The following ATG7 variants were observed in gnomAD, a reference collection of about 807,000 sequenced individuals.
ATG7 encodes the protein autophagy related 7, also known as ubiquitin-like modifier-activating enzyme ATG7.
Under a neutral mutation model 82.4 loss-of-function variants are expected in ATG7, and 70 were observed. That is an observed-to-expected ratio of 0.85 (90% CI 0.70 to 1.04). The LOEUF (loss-of-function observed/expected upper bound fraction) is 1.04. ATG7 is among the 50% of genes least tolerant of loss of function. ATG7 has a pLI of 0.00. For synonymous variants in ATG7, 287 were observed against 313.0 expected, an observed-to-expected ratio of 0.92 and a Z score of 0.88; for missense variants, 792 against 864.3, an observed-to-expected ratio of 0.92 and a Z score of 1.05.
At chr3:11,380,095 C>T (rs369114629) in intron 19 of ATG7, 43 bp downstream of exon 19, 10 of 1,583,702 alleles carry the variant, frequency 6.3e-6, no homozygotes, top group African/African-American at 4.0e-5. Flanking sequence ...TAAAAGTGAG[C>T]GGGTCAGCAT....
chr3:11,469,674 T>C (rs1232640083), intron 20 of ATG7, among the ~76,000 whole-genome samples: 1 of 151,970 alleles, frequency 6.6e-6, no homozygotes, highest in African/African-American at 2.4e-5. Context: ...CCAGCTAATG[T>C]CTTACAGGCT....
the ATG7 span, among the ~76,000 whole-genome samples, chr3:11,568,258 G>T: frequency 5.9e-5 from 9 of 152,314 alleles, no homozygotes; most frequent in East Asian, 1.7e-3. The surrounding 1 kb of genome is among the most constrained non-coding windows in gnomAD (Gnocchi z 5.9). Context: ...TGTCCTAGGG[G>T]CACGGCACAG....
the ATG7 span, among the ~76,000 whole-genome samples, chr3:11,576,109 G>C: frequency 1.2e-4 from 19 of 152,346 alleles, no homozygotes; most frequent in African/African-American, 4.1e-4. Context: ...CTGAGAACAT[G>C]ACCGGTAAAG....
downstream of ATG7, chr3:11,558,545 A>C (rs776006826): frequency 5.7e-5 from 81 of 1,411,868 alleles, no homozygotes; most frequent in East Asian, 7.3e-4. Flanking sequence ...TTGTTGGAGG[A>C]GGCGCTCCCT....
intron 20 of ATG7, among the ~76,000 whole-genome samples, chr3:11,487,080 T>A (rs2089768155): frequency 6.6e-6 from 1 of 150,386 alleles, no homozygotes; most frequent in Admixed American, 6.6e-5. Context: ...ACAAAGCACA[T>A]CTTGCACCGC....
chr3:11,563,776 A>G, the ATG7 span, among the ~76,000 whole-genome samples: 1 of 152,172 alleles, frequency 6.6e-6, no homozygotes, highest in Non-Finnish European at 1.5e-5. Context: ...TGTTAAATGG[A>G]TGAATCAAAC....
At chr3:11,431,039 A>T (rs534287390) in intron 20 of ATG7, among the ~76,000 whole-genome samples, 1 of 152,248 alleles carries the variant, frequency 6.6e-6, no homozygotes, top group African/African-American at 2.4e-5. Flanking sequence ...TTGGAGCCAC[A>T]GTTACCTGAA....
chr3:11,534,404 A>G (rs1290840602), intron 20 of ATG7, among the ~76,000 whole-genome samples: 1 of 152,246 alleles, frequency 6.6e-6, no homozygotes, highest in Non-Finnish European at 1.5e-5. Flanking sequence ...GTCTTGGAAC[A>G]GAGGCCCTCA....
At chr3:11,474,076 TACCAAGTGTGTAGTAA>T (rs71628716) in intron 20 of ATG7, among the ~76,000 whole-genome samples, 79,922 of 152,086 alleles carry the variant, frequency 0.53, 21,942 homozygotes, top group East Asian at 0.67. Context: ...AGTTCAGACT[TACCAAGTGTGTAGTAA>T]GCCAAGTGCC....
chr3:11,561,405 C>A (rs1352362754), downstream of ATG7, among the ~76,000 whole-genome samples: 2 of 152,174 alleles, frequency 1.3e-5, no homozygotes, highest in African/African-American at 4.8e-5. Context: ...ATCTCCTGAC[C>A]TGAGCTGGGG....
At chr3:11,543,413 C>G (rs956962772) in intron 20 of ATG7, among the ~76,000 whole-genome samples, 23 of 152,228 alleles carry the variant, frequency 1.5e-4, no homozygotes, top group African/African-American at 3.9e-4. Flanking sequence ...CATCTTCCCC[C>G]CTGCCTCAGC....
intron 1 of ATG7, among the ~76,000 whole-genome samples, chr3:11,274,102 C>G (rs1329153558): frequency 6.6e-6 from 1 of 152,122 alleles, no homozygotes; most frequent in East Asian, 1.9e-4. Context: ...CCTTCCTGCC[C>G]TCATGTGACA....
chr3:11,420,236 A>G (rs1057125544), intron 19 of ATG7, among the ~76,000 whole-genome samples: 2 of 152,224 alleles, frequency 1.3e-5, no homozygotes, highest in African/African-American at 2.4e-5. Context: ...GAACCCTTAC[A>G]TGATTAAATA....
In ATG7 at chr3:11,373,117, A is replaced by G. The variant is rs987780288; in HGVS notation, c.1876-6855A>G. ...TACCCTACTATAAGGAGAAACTGAC[A>G]ACAAATAGGAGAACAAGAGTTGAGA... On this transcript the variant is annotated intron_variant, in intron 18 of 20. Transcript: ENST00000693202. Among the ~76,000 whole-genome samples the G allele has an allele frequency of 1.1e-4, 17 of 151,086 alleles. 1 individual carries two copies. The highest frequency in any genetic ancestry group is 6.6e-5 in the Admixed American group (1 of 15,126).
chr3:11,338,490 A>G (rs1263972936), intron 11 of ATG7, among the ~76,000 whole-genome samples: 1 of 106,508 alleles, frequency 9.4e-6, no homozygotes, highest in Admixed American at 8.6e-5. Flanking sequence ...TCCCCACAGA[A>G]AAACAATTCT....
At chr3:11,481,516 C>A (rs1256578627) in intron 20 of ATG7, among the ~76,000 whole-genome samples, 1 of 152,174 alleles carries the variant, frequency 6.6e-6, no homozygotes, top group Non-Finnish European at 1.5e-5. Flanking sequence ...GTCATTATTT[C>A]TCAGATTTGT....
At position 11,306,996 on chromosome 3, in the gene ATG7, C is replaced by T. The variant is rs776719267; in HGVS notation, c.269C>T (p.Thr90Ile). 6.2e-7 allele frequency: 1 copy of T among 1,614,078 alleles called. No homozygotes were observed. The highest frequency in any genetic ancestry group is 8.5e-7 in the Non-Finnish European group (1 of 1,180,010). The change falls in exon 6 of 21, where the codon ACC becomes ATC. Residue 90 changes from threonine to isoleucine, a missense_variant. Physicochemically the swap from Thr to Ile is moderately conservative, Grantham distance 89. Coordinates refer to ENST00000693202, the MANE Select transcript of ATG7 (RefSeq NM_001349232.2). Reference protein sequence around the residue: ...CCPAIGTLYNTNTLESFKTAD... With the variant: ...CCPAIGTLYNINTLESFKTAD... Reference sequence around the variant, plus strand: ...CCAGCTATTGGAACACTGTATAACACCAACACACTCGAGTCTTTCAAGACT... The same window carrying T: ...CCAGCTATTGGAACACTGTATAACATCAACACACTCGAGTCTTTCAAGACT...
At chr3:11,328,967 G>A (rs1472261925) in intron 9 of ATG7, among the ~76,000 whole-genome samples, 1 of 152,146 alleles carries the variant, frequency 6.6e-6, no homozygotes, top group Non-Finnish European at 1.5e-5. Context: ...ACACATGCCT[G>A]TCTGTAGTCC....
chr3:11,340,691 G>C lies in ATG7; in HGVS notation c.936G>C (p.Met312Ile), dbSNP rs1452292526. Residue 312 changes from methionine to isoleucine, a missense_variant, in exon 12 of 21, where the codon ATG becomes ATC. Coordinates refer to ENST00000693202, the MANE Select transcript of ATG7 (RefSeq NM_001349232.2). The part of the protein sequence containing the change: ...VGWEKNQKGG[M>I]GPRMVNLSEC... ...GGGAAAAGAACCAGAAAGGAGGCAT[G>C]GGACCAAGGATGGTGAACCTCAGTG... The C allele has an allele frequency of 6.2e-7, 1 of 1,613,848 alleles. No homozygotes were observed. Among genetic ancestry groups the C allele is most frequent in the South Asian group, 1.1e-5 (1 of 91,060 alleles).
Sources: allele counts gnomAD v4.1 joint callset (sites outside exome capture counted in the v4.1 genomes callset), GRCh38; gene constraint gnomAD v4.1.1; non-coding constraint Gnocchi (gnomAD v3.1); transcripts MANE v1.5; gene names NCBI Gene and HGNC (gene_info 2026-07-23, HGNC 2026-07-21).